The following XKR9 variants were observed in gnomAD, a reference collection of about 807,000 sequenced individuals.
XKR9 encodes the protein XK-related protein 9.
Under a neutral mutation model 32.0 loss-of-function variants are expected in XKR9, and 32 were observed. That is an observed-to-expected ratio of 1.00 (90% confidence interval 0.76 to 1.34). The LOEUF (loss-of-function observed/expected upper bound fraction) is 1.34. XKR9 is among the 40% of genes most tolerant of loss of function. The pLI, the probability that XKR9 is intolerant of heterozygous loss-of-function variation, is 0.00. For missense variants in XKR9, 546 were observed against 429.7 expected, an observed-to-expected ratio of 1.27 and a Z score of -2.39; for synonymous variants, 168 against 143.4, an observed-to-expected ratio of 1.17 and a Z score of -1.22.
downstream of XKR9, among the ~76,000 whole-genome samples, chr8:70,736,738 T>A (rs1488649411): frequency 1.3e-5 from 2 of 152,032 alleles, no homozygotes; most frequent in African/African-American, 4.8e-5. Context: ...CTTTCCCCAT[T>A]GCTTGTTTTT....
chr8:70,744,545 A>G (rs1014759665), intron 2 of XKR9, among the ~76,000 whole-genome samples: 2 of 152,180 alleles, frequency 1.3e-5, no homozygotes, highest in Non-Finnish European at 2.9e-5. Flanking sequence ...ATTTTTTGTG[A>G]AACCATGCTA....
At chr8:70,700,034 C>G (rs1376437087) in intron 3 of XKR9, among the ~76,000 whole-genome samples, 1 of 152,238 alleles carries the variant, frequency 6.6e-6, no homozygotes, top group Non-Finnish European at 1.5e-5. Flanking sequence ...TCAGCTCCAT[C>G]AGCTCCTTTA....
chr8:70,996,435 T>C, the XKR9 span, among the ~76,000 whole-genome samples: 1 of 152,234 alleles, frequency 6.6e-6, no homozygotes, highest in Admixed American at 6.5e-5. Context: ...GTTACTCAGA[T>C]ACTCTTTGTT....
the XKR9 span, among the ~76,000 whole-genome samples, chr8:70,902,116 G>C: frequency 6.6e-6 from 1 of 152,158 alleles, no homozygotes. Flanking sequence ...TTTTTGCTTA[G>C]GATTGTCTTT....
chr8:70,866,138 TA>T, the XKR9 span, among the ~76,000 whole-genome samples: 2 of 152,224 alleles, frequency 1.3e-5, no homozygotes, highest in African/African-American at 4.8e-5. Flanking sequence ...CATGTATTAA[TA>T]TATAGTCTCA....
the XKR9 span, among the ~76,000 whole-genome samples, chr8:70,965,057 C>T: frequency 7.2e-5 from 11 of 152,140 alleles, no homozygotes; most frequent in South Asian, 2.1e-4. Flanking sequence ...AGCTTCTGCC[C>T]GTTCAATATG....
chr8:70,864,266 A>G, the XKR9 span, among the ~76,000 whole-genome samples: 1 of 152,202 alleles, frequency 6.6e-6, no homozygotes. Context: ...AAAAGGAAAA[A>G]GAAGTTGTGC....
chr8:70,947,491 A>G, the XKR9 span, among the ~76,000 whole-genome samples: 1 of 152,138 alleles, frequency 6.6e-6, no homozygotes, highest in African/African-American at 2.4e-5. Context: ...GAAGAAAAGT[A>G]CTCCTGAATG....
At chr8:70,864,187 T>C in the XKR9 span, among the ~76,000 whole-genome samples, 3 of 152,190 alleles carry the variant, frequency 2.0e-5, no homozygotes. Context: ...ATCTTATAAC[T>C]TGTATAATAA....
the XKR9 span, among the ~76,000 whole-genome samples, chr8:70,856,304 C>A: frequency 4.6e-5 from 7 of 152,018 alleles, no homozygotes; most frequent in African/African-American, 1.7e-4. Context: ...AAATGGAAAA[C>A]AAAATAAAGC....
At chr8:70,753,056 G>A (rs1011030517) in intron 2 of XKR9, among the ~76,000 whole-genome samples, 6 of 152,120 alleles carry the variant, frequency 3.9e-5, no homozygotes, top group Non-Finnish European at 8.8e-5. Flanking sequence ...GAATCAAATA[G>A]ACGCAATAAA....
At chr8:70,786,475 T>A (rs957260850) in intron 2 of XKR9, among the ~76,000 whole-genome samples, 3 of 152,180 alleles carry the variant, frequency 2.0e-5, no homozygotes, top group Non-Finnish European at 4.4e-5. Context: ...GGTACATGTA[T>A]ACCTACAGTT....
At chr8:70,982,409 A>G in the XKR9 span, among the ~76,000 whole-genome samples, 1 of 152,118 alleles carries the variant, frequency 6.6e-6, no homozygotes, top group Non-Finnish European at 1.5e-5. Context: ...GTGGAGTTAT[A>G]TTCCTAGGAG....
chr8:70,954,116 C>T, the XKR9 span, among the ~76,000 whole-genome samples: 1 of 151,842 alleles, frequency 6.6e-6, no homozygotes, highest in Non-Finnish European at 1.5e-5. Context: ...CAGACCTTTC[C>T]ATACTTTTGG....
At chr8:70,986,239 T>C in the XKR9 span, among the ~76,000 whole-genome samples, 1 of 152,226 alleles carries the variant, frequency 6.6e-6, no homozygotes, top group Non-Finnish European at 1.5e-5. Flanking sequence ...GTAACCTCTC[T>C]GTCTTAGCTT....
At chr8:70,701,911 A>G (rs1168100228) in intron 3 of XKR9, among the ~76,000 whole-genome samples, 7 of 152,174 alleles carry the variant, frequency 4.6e-5, no homozygotes, top group African/African-American at 1.7e-4. Context: ...TCTCTCTGCC[A>G]AAGGAGAGTT....
the XKR9 span, among the ~76,000 whole-genome samples, chr8:71,036,779 A>G: frequency 1.3e-5 from 2 of 152,136 alleles, no homozygotes; most frequent in South Asian, 4.1e-4. Context: ...ATACTAGTGT[A>G]AATATAATAA....
the XKR9 span, among the ~76,000 whole-genome samples, chr8:70,885,053 C>T: frequency 6.6e-6 from 1 of 151,934 alleles, no homozygotes; most frequent in Non-Finnish European, 1.5e-5. Flanking sequence ...ATTTCTTTCA[C>T]AGAGTTTTGT....
chr8:70,960,139 G>C, the XKR9 span, among the ~76,000 whole-genome samples: 1 of 152,078 alleles, frequency 6.6e-6, no homozygotes. Context: ...AAGCTACTTG[G>C]GAGGCTGAGG....
Sources: allele counts gnomAD v4.1 joint callset (sites outside exome capture counted in the v4.1 genomes callset), GRCh38; gene constraint gnomAD v4.1.1; transcripts MANE v1.5; gene names NCBI Gene and HGNC (gene_info 2026-07-23, HGNC 2026-07-21).